The following KHDRBS2 variants were observed in gnomAD, a reference collection of about 807,000 sequenced individuals.
KHDRBS2 encodes KH domain-containing, RNA-binding, signal transduction-associated protein 2.
Under a neutral mutation model 44.3 loss-of-function variants are expected in KHDRBS2, and 26 were observed. The ratio of observed to expected loss-of-function variants is 0.59; its 90% CI spans 0.43 to 0.81. The LOEUF is 0.81. Ranked by LOEUF, KHDRBS2 falls within the 40% of genes least tolerant of loss-of-function variation. The probability of loss-of-function intolerance (pLI) is 0.00; values close to 1 mark genes in which losing one functional copy is unlikely to be tolerated. For missense variants in KHDRBS2, 476 were observed against 433.1 expected (o/e 1.10, Z -0.88); for synonymous variants, 194 against 151.1 (o/e 1.28, Z -2.08).
At chr6:61,830,772 C>G (rs189827855) in intron 6 of KHDRBS2, among the ~76,000 whole-genome samples, 47 of 152,288 alleles carry the variant, frequency 3.1e-4, no homozygotes, top group Admixed American at 5.2e-4. Context: ...AGTTGGAATA[C>G]ATGCTTGAGC....
At chr6:61,678,869 G>C (rs1766087311), downstream of KHDRBS2, 1 of 151,714 alleles carries the variant, frequency 6.6e-6, no homozygotes, top group South Asian at 2.1e-4. Flanking sequence ...TTTCAAATAA[G>C]ACAAAAAATA....
chr6:62,258,453 G>A (rs1401490308), intron 1 of KHDRBS2, among the ~76,000 whole-genome samples: 2 of 151,988 alleles, frequency 1.3e-5, no homozygotes, highest in Non-Finnish European at 2.9e-5. Flanking sequence ...GTATGAACAG[G>A]TGTAAGAAAA....
intron 6 of KHDRBS2, among the ~76,000 whole-genome samples, chr6:61,775,743 AT>A (rs1264106822): frequency 6.6e-6 from 1 of 152,216 alleles, no homozygotes; most frequent in Non-Finnish European, 1.5e-5. Context: ...ATTCAATGCC[AT>A]CCCCATCAAG....
chr6:61,728,275 T>G (rs963466199), intron 7 of KHDRBS2, among the ~76,000 whole-genome samples: 2 of 150,916 alleles, frequency 1.3e-5, no homozygotes, highest in African/African-American at 4.9e-5. Flanking sequence ...CAAGACACAC[T>G]GGGGCCTCTT....
intron 1 of KHDRBS2, among the ~76,000 whole-genome samples, chr6:62,179,328 A>C (rs1234165812): frequency 6.6e-6 from 1 of 151,718 alleles, no homozygotes; most frequent in African/African-American, 2.4e-5. Context: ...ATATGTCTAT[A>C]ATTTCTACTT....
At chr6:61,849,871 G>A (rs1583159067) in intron 6 of KHDRBS2, among the ~76,000 whole-genome samples, 2 of 152,126 alleles carry the variant, frequency 1.3e-5, no homozygotes, top group Admixed American at 1.3e-4. Flanking sequence ...TGAATCCTAT[G>A]GCTTACTGAA....
chr6:61,995,304 A>C (rs1160483029), intron 3 of KHDRBS2, among the ~76,000 whole-genome samples: 1 of 152,218 alleles, frequency 6.6e-6, no homozygotes. Flanking sequence ...ATATATCAAA[A>C]TATTAGAAAA....
chr6:61,647,747 A>T, the KHDRBS2 span, among the ~76,000 whole-genome samples: 29 of 152,146 alleles, frequency 1.9e-4, no homozygotes, highest in Non-Finnish European at 3.2e-4. Context: ...TTTTGTGGGT[A>T]TGTTTGTATC....
At chr6:61,712,941 A>G (rs1288113990) in intron 7 of KHDRBS2, among the ~76,000 whole-genome samples, 2 of 151,764 alleles carry the variant, frequency 1.3e-5, no homozygotes, top group Non-Finnish European at 1.5e-5. Context: ...TATAAAACCA[A>G]AAGTTTCTTC....
intron 6 of KHDRBS2, among the ~76,000 whole-genome samples, chr6:61,809,049 C>G (rs1400767247): frequency 6.6e-6 from 1 of 151,618 alleles, no homozygotes; most frequent in African/African-American, 2.4e-5. Flanking sequence ...AATATGTATT[C>G]CTTATCTATG....
At chr6:61,694,112 ATGAT>A (rs563813513) in intron 8 of KHDRBS2, among the ~76,000 whole-genome samples, 117 of 152,284 alleles carry the variant, frequency 7.7e-4, no homozygotes, top group African/African-American at 2.6e-3. Flanking sequence ...AGTGTAAAAA[ATGAT>A]TGTATTTTGC....
chr6:61,556,321 A>T, the KHDRBS2 span, among the ~76,000 whole-genome samples: 5 of 152,224 alleles, frequency 3.3e-5, no homozygotes, highest in African/African-American at 1.2e-4. Context: ...GGGGGTGCCA[A>T]TGTCCATGCT....
intron 3 of KHDRBS2, among the ~76,000 whole-genome samples, chr6:62,030,168 G>A (rs1784086864): frequency 6.6e-6 from 1 of 151,988 alleles, no homozygotes; most frequent in Non-Finnish European, 1.5e-5. Context: ...TGTGAGGGAG[G>A]AGATGAAGAT....
chr6:62,128,214 T>G (rs1161025021), intron 2 of KHDRBS2, among the ~76,000 whole-genome samples: 3 of 152,134 alleles, frequency 2.0e-5, no homozygotes, highest in Non-Finnish European at 4.4e-5. Context: ...TACTCTTCCC[T>G]TTACTCCCTA....
chr6:61,808,357 G>A (rs1229912693), intron 6 of KHDRBS2, among the ~76,000 whole-genome samples: 1 of 151,908 alleles, frequency 6.6e-6, no homozygotes, highest in East Asian at 1.9e-4. Context: ...TGCCCTAAAA[G>A]AAAACATAAA....
At chr6:61,552,692 G>T in the KHDRBS2 span, among the ~76,000 whole-genome samples, 2 of 151,934 alleles carry the variant, frequency 1.3e-5, no homozygotes, top group Non-Finnish European at 1.5e-5. Context: ...AGTTTTTTGA[G>T]GATTTTTAAC....
At chr6:61,734,146 C>CTTACCAATGCTATTATATAATAGCATT (rs1774946078) in intron 6 of KHDRBS2, among the ~76,000 whole-genome samples, 1 of 152,120 alleles carries the variant, frequency 6.6e-6, no homozygotes, top group South Asian at 2.1e-4. Context: ...GTCTTACCAT[C>CTTACCAATGCTATTATATAATAGCATT]ATATAATGCT....
At chr6:62,252,797 G>A (rs1347390603) in intron 1 of KHDRBS2, among the ~76,000 whole-genome samples, 1 of 151,916 alleles carries the variant, frequency 6.6e-6, no homozygotes, top group East Asian at 1.9e-4. Context: ...TATTTTCACA[G>A]AATTTTCCAG....
chr6:62,151,264 T>C (rs1584962386), intron 2 of KHDRBS2, among the ~76,000 whole-genome samples: 1 of 152,162 alleles, frequency 6.6e-6, no homozygotes, highest in African/African-American at 2.4e-5. Context: ...GGCCAATAGA[T>C]AGTTGCTGAT....
Sources: allele counts gnomAD v4.1 joint callset (sites outside exome capture counted in the v4.1 genomes callset), GRCh38; gene constraint gnomAD v4.1.1; transcripts MANE v1.5; gene names NCBI Gene and HGNC (gene_info 2026-07-23, HGNC 2026-07-21).